Variants in TSG101 observed in about 807,000 individuals in gnomAD.
TSG101 encodes tumor susceptibility gene 101 protein.
In TSG101, 19 loss-of-function variants were observed where a neutral mutation model predicts 48.5. That is an observed-to-expected ratio of 0.39 (90% confidence interval 0.27 to 0.58). The LOEUF is 0.58. Ranked by LOEUF, TSG101 falls within the 20% of genes least tolerant of loss-of-function variation. TSG101 has a pLI of 0.55. For missense variants in TSG101, 365 were observed against 484.4 expected (o/e 0.75, Z 2.31); for synonymous variants, 174 against 169.4 (o/e 1.03, Z -0.21).
At chr11:18,524,744 G>A (rs1309573877) in intron 1 of TSG101, among the ~76,000 whole-genome samples, 2 of 152,026 alleles carry the variant, frequency 1.3e-5, no homozygotes, top group Non-Finnish European at 2.9e-5. Flanking sequence ...TTGGGTGGAG[G>A]GGAAGGCAGG....
In TSG101 at chr11:18,499,352, A is replaced by G. The variant is rs1177080840; in HGVS notation, c.640+3134T>C. 1.2e-3 allele frequency among the ~76,000 whole-genome samples: 97 copies of G among 80,398 alleles called. 3 individuals are homozygous for G. In the East Asian group the frequency reaches 0.038, roughly 32 times the overall value. 52.7% of individuals were successfully genotyped at this position (80,398 alleles called of 152,430 possible). On this transcript the variant is annotated intron_variant, in intron 7 of 9. Coordinates refer to ENST00000251968, the MANE Select transcript of TSG101 (RefSeq NM_006292.4). ...TATTTATATTTATGTATATTTATAT[A>G]TGTTTATATATAAATATGTTTATAT...
At chr11:18,489,714 A>G (rs1228397965) in intron 7 of TSG101, among the ~76,000 whole-genome samples, 1 of 152,222 alleles carries the variant, frequency 6.6e-6, no homozygotes, top group African/African-American at 2.4e-5. Context: ...GCAACAGCCC[A>G]AACAGGTCAA....
intron 1 of TSG101, among the ~76,000 whole-genome samples, chr11:18,519,901 T>C (rs1015295796): frequency 6.6e-6 from 1 of 152,212 alleles, no homozygotes; most frequent in African/African-American, 2.4e-5. Context: ...AACTCACCAT[T>C]AATAGCTTTT....
At chr11:18,507,253 G>C (rs529238673) in intron 5 of TSG101, among the ~76,000 whole-genome samples, 2 of 152,126 alleles carry the variant, frequency 1.3e-5, no homozygotes, top group African/African-American at 4.8e-5. Flanking sequence ...TTCGGTCCAA[G>C]GTTAACTTCT....
chr11:18,508,496 T>A (rs1388285003), intron 5 of TSG101: 1 of 151,950 alleles, frequency 6.6e-6, no homozygotes, highest in East Asian at 1.9e-4. Flanking sequence ...GGCCAAATAT[T>A]TCGTATTTCA....
At chr11:18,522,514 T>C (rs777391333) in intron 1 of TSG101, among the ~76,000 whole-genome samples, 2 of 152,228 alleles carry the variant, frequency 1.3e-5, no homozygotes, top group Non-Finnish European at 2.9e-5. Context: ...GCTACAGTCC[T>C]GGTCTAAGCC....
intron 7 of TSG101, among the ~76,000 whole-genome samples, chr11:18,499,350 A>G (rs1249812114): frequency 9.5e-5 from 8 of 84,112 alleles, no homozygotes; most frequent in East Asian, 9.5e-4. Flanking sequence ...GTATATTTAT[A>G]TATGTTTATA....
chr11:18,493,871 T>G (rs1849732977), intron 7 of TSG101, among the ~76,000 whole-genome samples: 1 of 152,226 alleles, frequency 6.6e-6, no homozygotes. Context: ...TGTATGAATA[T>G]GTAAGCTTCT....
chr11:18,515,337 T>C (rs1850153279), intron 3 of TSG101, among the ~76,000 whole-genome samples: 2 of 152,208 alleles, frequency 1.3e-5, no homozygotes, highest in Admixed American at 6.5e-5. Flanking sequence ...TATTGCCTTA[T>C]GAATAGCAGG....
chr11:18,523,779 G>A (rs1025129361), intron 1 of TSG101, among the ~76,000 whole-genome samples: 3 of 152,192 alleles, frequency 2.0e-5, no homozygotes, highest in Admixed American at 6.5e-5. Context: ...TGAGATTACA[G>A]GCATGAGCCA....
At chr11:18,515,301 A>T (rs1850152609) in intron 3 of TSG101, among the ~76,000 whole-genome samples, 1 of 152,160 alleles carries the variant, frequency 6.6e-6, no homozygotes, top group Non-Finnish European at 1.5e-5. Flanking sequence ...TCCTTTATTC[A>T]TCTTTGTAGC....
intron 4 of TSG101, among the ~76,000 whole-genome samples, 189 bp from the exon 5 acceptor site, chr11:18,509,854 G>T (rs566479480): frequency 3.7e-4 from 56 of 152,234 alleles, no homozygotes; most frequent in African/African-American, 1.2e-3. Context: ...GTGCAGCAAG[G>T]TTCTTGCTTC....
chr11:18,518,659 C>T (rs1287236024), intron 2 of TSG101, among the ~76,000 whole-genome samples: 1 of 152,062 alleles, frequency 6.6e-6, no homozygotes, highest in East Asian at 1.9e-4. Context: ...AAGGGACAGT[C>T]CAGAGTATAG....
intron 7 of TSG101, among the ~76,000 whole-genome samples, chr11:18,491,957 T>C (rs545311100): frequency 6.6e-6 from 1 of 152,340 alleles, no homozygotes; most frequent in East Asian, 1.9e-4. Flanking sequence ...TGTTCAGTCA[T>C]CTGGACAGAA....
At chr11:18,487,576 A>C (rs1467489116) in intron 7 of TSG101, among the ~76,000 whole-genome samples, 1 of 152,204 alleles carries the variant, frequency 6.6e-6, no homozygotes, top group Non-Finnish European at 1.5e-5. Context: ...TATGTTGCTC[A>C]GGCTGGTCTC....
At chr11:18,506,630 C>A (rs1020439163) in intron 6 of TSG101, among the ~76,000 whole-genome samples, 1 of 151,772 alleles carries the variant, frequency 6.6e-6, no homozygotes, top group Non-Finnish European at 1.5e-5. Context: ...GTAGAGGTTG[C>A]AGTGAGCCGA....
intron 7 of TSG101, among the ~76,000 whole-genome samples, chr11:18,496,082 C>A (rs1217714383): frequency 6.6e-6 from 1 of 152,142 alleles, no homozygotes; most frequent in African/African-American, 2.4e-5. Context: ...GAGTGGAACA[C>A]CATTCTCTTC....
chr11:18,519,412 T>C (rs565736818), intron 2 of TSG101, 107 bp downstream of exon 2: 5 of 859,406 alleles, frequency 5.8e-6, no homozygotes, highest in African/African-American at 5.2e-5. Context: ...GGTGGTGCAA[T>C]CCCACAATTG....
rs958544831 is a variant in TSG101 at position 18,519,437 on chromosome 11, C to T, written c.127+82G>A. On this transcript the variant is annotated intron_variant, in intron 2 of 9. Coordinates refer to ENST00000251968, the MANE Select transcript of TSG101 (RefSeq NM_006292.4). ...TCCCACAATTGAAAAATCCACAAAC[C>T]TCAAATGGAAAAAATTACAATCATT... The T allele has an allele frequency of 4.1e-6, 5 of 1,221,604 alleles. No homozygotes were observed. The South Asian group carries it at 5.4e-5, about 13-fold the overall frequency. The allele number at this position is 1,221,604 out of a possible 1,614,324, so 75.7% of individuals were successfully genotyped here. A position where few individuals can be genotyped will look rare whatever the true frequency, so the allele number is the denominator to read the frequency against.
Sources: gnomAD v4.1 joint callset for allele counts (sites outside exome capture counted in the v4.1 genomes callset) on GRCh38, gnomAD v4.1.1 for gene constraint, MANE v1.5 for transcripts, NCBI Gene and HGNC (gene_info 2026-07-23, HGNC 2026-07-21) for gene names.